CKS2: variants seen among roughly 807,000 people sequenced by gnomAD.
The protein encoded by CKS2 is CDC28 protein kinase regulatory subunit 2, also known as cyclin-dependent kinases regulatory subunit 2.
CKS2 carries 4 observed loss-of-function variants against 14.3 expected under a neutral mutation model. That is an observed-to-expected ratio of 0.28 (90% confidence interval 0.14 to 0.64). CKS2 has a LOEUF of 0.64. CKS2 is among the 30% of genes least tolerant of loss of function. CKS2 has a pLI of 0.83. For missense variants in CKS2, 71 were observed against 94.3 expected (o/e 0.75, Z 1.02); for synonymous variants, 33 against 28.7 (o/e 1.15, Z -0.48).
Position 89,315,302 on chromosome 9 carries a change from G to A in CKS2, c.187+5G>A, listed in dbSNP as rs749565396. 1 of 1,586,602 alleles carries A rather than the reference G, an allele frequency of 6.3e-7. No homozygotes were observed. The highest frequency in any genetic ancestry group is 8.6e-7 in the Non-Finnish European group (1 of 1,165,094). On this transcript the variant is annotated splice_donor_5th_base_variant and intron_variant, in intron 2 of 2. Coordinates refer to ENST00000314355, the MANE Select transcript of CKS2 (RefSeq NM_001827.3). ...ATTACATGATTCATGAGCCAGGTAA[G>A]CTATGCTATGTTATAGTAAAGCAGT... is the stretch of plus-strand genomic sequence containing the variant.
chr9:89,313,789 C>T (rs1004065524), intron 1 of CKS2, among the ~76,000 whole-genome samples: 3 of 152,200 alleles, frequency 2.0e-5, no homozygotes, highest in African/African-American at 7.2e-5. Context: ...GATGTTAAAG[C>T]AGCATTTCAA....
intron 2 of CKS2, among the ~76,000 whole-genome samples, chr9:89,315,805 A>C (rs1824699979): frequency 6.6e-6 from 1 of 152,112 alleles, no homozygotes; most frequent in Non-Finnish European, 1.5e-5. Flanking sequence ...AGTAAACTCT[A>C]CTAAAACTTT....
At chr9:89,313,032 A>G (rs1184798824) in intron 1 of CKS2, among the ~76,000 whole-genome samples, 2 of 152,266 alleles carry the variant, frequency 1.3e-5, no homozygotes, top group African/African-American at 2.4e-5. Flanking sequence ...GAAAGTTTAC[A>G]TATCTGAAGT....
chr9:89,315,509 C>T (rs1587815822), intron 2 of CKS2, among the ~76,000 whole-genome samples: 1 of 121,800 alleles, frequency 8.2e-6, no homozygotes, highest in African/African-American at 3.2e-5. Flanking sequence ...ACACATTATT[C>T]TACTTGGAAA....
intron 1 of CKS2, among the ~76,000 whole-genome samples, chr9:89,313,851 T>A (rs1587815170): frequency 6.6e-6 from 1 of 152,268 alleles, no homozygotes; most frequent in Non-Finnish European, 1.5e-5. Context: ...TATAGTTCAC[T>A]GGAATTGATG....
chr9:89,312,779 T>C (rs560712319), intron 1 of CKS2, among the ~76,000 whole-genome samples: 68 of 152,198 alleles, frequency 4.5e-4, no homozygotes, highest in Non-Finnish European at 7.6e-4. Flanking sequence ...AAGAGCCCTA[T>C]TGAGGATATC....
At chr9:89,313,895 TTGG>T (rs1285595080) in intron 1 of CKS2, among the ~76,000 whole-genome samples, 1 of 152,232 alleles carries the variant, frequency 6.6e-6, no homozygotes, top group Non-Finnish European at 1.5e-5. Flanking sequence ...AAGCTATGAC[TTGG>T]TGGCCTTAAG....
chr9:89,314,246 C>T (rs1332217295), intron 1 of CKS2, among the ~76,000 whole-genome samples: 2 of 152,020 alleles, frequency 1.3e-5, no homozygotes, highest in African/African-American at 4.8e-5. Context: ...AAAATTCTTA[C>T]TCAATTTGGG....
chr9:89,316,244 T>G, intron 2 of CKS2, 129 bp from the exon 3 acceptor site: 2 of 623,426 alleles, frequency 3.2e-6, no homozygotes, highest in Non-Finnish European at 5.8e-6. Context: ...AAAAATCATT[T>G]TGGATACCTC....
intron 1 of CKS2, among the ~76,000 whole-genome samples, 164 bp downstream of exon 1, chr9:89,311,515 C>T (rs1327849593): frequency 6.6e-6 from 1 of 152,202 alleles, no homozygotes; most frequent in Non-Finnish European, 1.5e-5. Context: ...ACCTGGCGCC[C>T]CGCGCAGTCG....
At position 89,311,332 on chromosome 9, in the gene CKS2, G is replaced by A; in HGVS notation, c.40G>A (p.Asp14Asn). Residue 14 changes from aspartate (D) to asparagine (N), a missense_variant, in exon 1 of 3, where the codon GAC (aspartate) becomes AAC (asparagine). Physicochemically the swap from Asp to Asn is conservative, Grantham distance 23. Transcript: ENST00000314355. ...GATCTACTACTCGGACAAGTACTTC[G>A]ACGAACACTACGAGTACCGGTGGGC... ...KQIYYSDKYF[D>N]EHYEYRHVML... The A allele has an allele frequency of 6.2e-7, 1 of 1,610,696 alleles. No homozygotes were observed. Among genetic ancestry groups the A allele is most frequent in the Non-Finnish European group, 8.5e-7 (1 of 1,178,770 alleles).
intron 1 of CKS2, among the ~76,000 whole-genome samples, chr9:89,313,266 C>CT (rs975666979): frequency 2.6e-5 from 4 of 152,092 alleles, no homozygotes; most frequent in African/African-American, 9.7e-5. Context: ...GCAGTTATCT[C>CT]TATCTTTCTT....
intron 1 of CKS2, among the ~76,000 whole-genome samples, chr9:89,314,742 C>T (rs1401696116): frequency 6.6e-6 from 1 of 152,178 alleles, no homozygotes; most frequent in Non-Finnish European, 1.5e-5. Context: ...TCCTAGATTC[C>T]TGCTCTGGCT....
Position 89,311,263 on chromosome 9 carries a change from T to C in CKS2, c.-30T>C. On this transcript the variant is annotated 5_prime_UTR_variant, in exon 1 of 3. Coordinates refer to ENST00000314355, the MANE Select transcript of CKS2 (RefSeq NM_001827.3). ...TCTGCTGCGCCCGCTCTTCGCGCTCTCGTTTCATTTTCTGCAGCGCGCCAG... is the reference window on the plus strand; with the variant it reads ...TCTGCTGCGCCCGCTCTTCGCGCTCCCGTTTCATTTTCTGCAGCGCGCCAG... 2 of 1,603,326 alleles carry C rather than the reference T, an allele frequency of 1.2e-6. No individual in the cohort carries two copies. Among genetic ancestry groups the C allele is most frequent in the South Asian group, 2.2e-5 (2 of 90,132 alleles).
chr9:89,316,691 T>C lies in CKS2; in HGVS notation c.*266T>C, dbSNP rs1824727446. 2 of 335,640 alleles carry C rather than the reference T, an allele frequency of 6.0e-6. No homozygotes were observed. Among genetic ancestry groups the C allele is most frequent in the Non-Finnish European group, 1.1e-5 (2 of 185,148 alleles). 20.8% of individuals were successfully genotyped at this position (335,640 alleles called of 1,614,324 possible). On this transcript the variant is annotated 3_prime_UTR_variant, in exon 3 of 3. Transcript: ENST00000314355. ...GTTTACTTTTGTTCAATAAAGTTTG[T>C]ATGTTGCATTTATCACTGTTTCAAG...
chr9:89,315,123 GTTGTAGAAAAGGCACTGGACTAACAC>G (rs1354512891), intron 1 of CKS2, 21 bp from the exon 2 acceptor site: 7 of 1,547,568 alleles, frequency 4.5e-6, no homozygotes, highest in African/African-American at 1.4e-5. Flanking sequence ...TAAAGCGACA[GTTGTAGAAAAGGCACTGGACTAACAC>G]TTGGCTGTAT....
At chr9:89,314,325 T>C (rs977005998) in intron 1 of CKS2, among the ~76,000 whole-genome samples, 2 of 152,228 alleles carry the variant, frequency 1.3e-5, no homozygotes, top group South Asian at 2.1e-4. Context: ...AGATTTGTTT[T>C]TGAGAATCTC....
intron 1 of CKS2, among the ~76,000 whole-genome samples, chr9:89,313,217 A>G (rs1224626132): frequency 6.6e-6 from 1 of 152,218 alleles, no homozygotes; most frequent in Admixed American, 6.5e-5. Flanking sequence ...GCAGCATGCA[A>G]TGTAAATTTC....
intron 1 of CKS2, among the ~76,000 whole-genome samples, chr9:89,313,997 A>T (rs922745533): frequency 1.4e-4 from 22 of 152,360 alleles, no homozygotes; most frequent in South Asian, 1.2e-3. Flanking sequence ...ATTTAAGTTG[A>T]TGACAGCTGG....
Sources: allele counts gnomAD v4.1 joint callset (sites outside exome capture counted in the v4.1 genomes callset), GRCh38; gene constraint gnomAD v4.1.1; transcripts MANE v1.5; gene names NCBI Gene and HGNC (gene_info 2026-07-23, HGNC 2026-07-21).